The following ZMYM2 variants were observed in gnomAD, a reference collection of about 807,000 sequenced individuals.
ZMYM2 encodes zinc finger MYM-type protein 2.
Under a neutral mutation model 162.8 loss-of-function variants are expected in ZMYM2, and 56 were observed. The ratio of observed to expected loss-of-function variants is 0.34; its 90% confidence interval spans 0.28 to 0.43. The LOEUF is 0.43. Among genes scored for constraint, ZMYM2 ranks in the 20% least tolerant of loss-of-function variants. The pLI, the probability that ZMYM2 is intolerant of heterozygous loss-of-function variation, is 1.00. For missense variants in ZMYM2, 1,275 were observed against 1,621.8 expected (o/e 0.79, Z 3.67); for synonymous variants, 510 against 541.6 (o/e 0.94, Z 0.81).
the ZMYM2 span, among the ~76,000 whole-genome samples, chr13:19,876,832 C>T: frequency 6.6e-6 from 1 of 152,166 alleles, no homozygotes; most frequent in African/African-American, 2.4e-5. Flanking sequence ...CAGCATTCTA[C>T]TTTCTGTATG....
intron 2 of ZMYM2, among the ~76,000 whole-genome samples, chr13:19,968,241 G>A (rs898526903): frequency 1.3e-5 from 2 of 151,900 alleles, no homozygotes; most frequent in African/African-American, 2.4e-5. Flanking sequence ...ACTTCCCCTC[G>A]CTAGACTTTC....
the ZMYM2 span, among the ~76,000 whole-genome samples, chr13:19,913,502 A>T: frequency 1.3e-5 from 2 of 152,150 alleles, no homozygotes; most frequent in East Asian, 3.8e-4. Context: ...AGGTGGGCGG[A>T]TCACTTGAGG....
rs1958381920 is a variant in ZMYM2 at position 20,088,246 on chromosome 13, G to A, written c.*2232G>A. On this transcript the variant is annotated 3_prime_UTR_variant, in exon 25 of 25. Coordinates refer to ENST00000610343, the MANE Select transcript of ZMYM2 (RefSeq NM_197968.4). ...AAGAAAAACTTATTTTATGAGAATT[G>A]TTTGTTCTGTGAAACTCACTTCACC... 9.6e-6 allele frequency: 2 copies of A among 207,962 alleles called. No homozygotes were observed. Among genetic ancestry groups the A allele is most frequent in the African/African-American group, 4.6e-5 (2 of 43,948 alleles). The allele number at this position is 207,962 out of a possible 1,614,324, so 12.9% of individuals were successfully genotyped here.
At chr13:19,943,308 T>C in the ZMYM2 span, among the ~76,000 whole-genome samples, 1 of 152,146 alleles carries the variant, frequency 6.6e-6, no homozygotes, top group African/African-American at 2.4e-5. Context: ...AATTTGATTA[T>C]CTCTATAAAG....
chr13:19,874,633 G>C, the ZMYM2 span, among the ~76,000 whole-genome samples: 1 of 152,070 alleles, frequency 6.6e-6, no homozygotes, highest in Non-Finnish European at 1.5e-5. Context: ...ATTGCTTTTA[G>C]AGCACATGCT....
intron 2 of ZMYM2, among the ~76,000 whole-genome samples, chr13:19,990,843 C>G (rs4769931): frequency 6.6e-6 from 1 of 152,104 alleles, no homozygotes; most frequent in Non-Finnish European, 1.5e-5. Context: ...TTCAACTTCC[C>G]ATTCATCCTA....
chr13:20,075,954 C>T (rs1387728023), intron 21 of ZMYM2, among the ~76,000 whole-genome samples: 1 of 152,010 alleles, frequency 6.6e-6, no homozygotes, highest in Non-Finnish European at 1.5e-5. Flanking sequence ...CCTCAGCCTC[C>T]CAAAGTTCTA....
At chr13:19,965,100 GAA>G (rs1955622835) in intron 2 of ZMYM2, 1 of 332,726 alleles carries the variant, frequency 3.0e-6, no homozygotes, top group Non-Finnish European at 4.9e-6. Context: ...AAAAAAAAAA[GAA>G]AAATACTTAC....
chr13:19,954,559 C>G (rs1954476391), upstream of ZMYM2, among the ~76,000 whole-genome samples: 1 of 152,148 alleles, frequency 6.6e-6, no homozygotes, highest in Non-Finnish European at 1.5e-5. Context: ...TTCACCCTTT[C>G]TCCACAACAA....
intron 2 of ZMYM2, among the ~76,000 whole-genome samples, chr13:19,962,976 A>G (rs1294997298): frequency 6.6e-6 from 1 of 151,922 alleles, no homozygotes; most frequent in African/African-American, 2.4e-5. Context: ...ACGTGCCACT[A>G]CACCTGGCTA....
the ZMYM2 span, among the ~76,000 whole-genome samples, chr13:19,881,331 G>C: frequency 2.0e-4 from 31 of 152,094 alleles, no homozygotes; most frequent in Middle Eastern, 3.4e-3. Context: ...TTCAACAAAT[G>C]GGGGAGGGGG....
intron 21 of ZMYM2, 114 bp downstream of exon 21, chr13:20,067,504 A>C (rs1457441199): frequency 1.8e-6 from 2 of 1,103,602 alleles, no homozygotes; most frequent in East Asian, 5.2e-5. Context: ...CACATCTACA[A>C]AGTTGTATGT....
At chr13:19,963,262 C>T (rs1004581010) in intron 2 of ZMYM2, among the ~76,000 whole-genome samples, 8 of 152,108 alleles carry the variant, frequency 5.3e-5, no homozygotes, top group African/African-American at 1.9e-4. Flanking sequence ...GCTTTGACTC[C>T]CTGCGTTTTG....
intron 6 of ZMYM2, among the ~76,000 whole-genome samples, chr13:20,010,978 G>T (rs946843153): frequency 1.3e-5 from 2 of 151,972 alleles, no homozygotes; most frequent in African/African-American, 2.4e-5. Context: ...TTGTATATAC[G>T]TAGGGGATAC....
chr13:19,991,175 A>G (rs1949592302), intron 2 of ZMYM2, among the ~76,000 whole-genome samples: 1 of 151,770 alleles, frequency 6.6e-6, no homozygotes, highest in Non-Finnish European at 1.5e-5. Flanking sequence ...ATATAGTGGC[A>G]CAATCGTAGC....
chr13:19,892,117 T>A, the ZMYM2 span, among the ~76,000 whole-genome samples: 1 of 151,572 alleles, frequency 6.6e-6, no homozygotes, highest in African/African-American at 2.4e-5. Flanking sequence ...ATTTTTAAAT[T>A]TTTTTTGTAG....
At chr13:19,899,100 G>A in the ZMYM2 span, among the ~76,000 whole-genome samples, 1 of 151,706 alleles carries the variant, frequency 6.6e-6, no homozygotes, top group Admixed American at 6.6e-5. Context: ...TTACAGGCGC[G>A]TGCCACCACA....
Position 19,974,925 on chromosome 13 carries a change from G to A in ZMYM2, c.-11+14899G>A, listed in dbSNP as rs533108000. On this transcript the variant is annotated intron_variant, in intron 2 of 24. Transcript: ENST00000610343. ...CATGGGATATTGTTAAGACTTGGTG[G>A]GCCTTTGTTAATATAAGAGAAAATT... Among the ~76,000 whole-genome samples the A allele has an allele frequency of 2.6e-4, 39 of 152,112 alleles. No homozygotes were observed. The South Asian group carries it at 7.7e-3, about 30-fold the overall frequency.
intron 2 of ZMYM2, among the ~76,000 whole-genome samples, chr13:19,981,302 C>CA (rs370355968): frequency 1.2e-4 from 15 of 123,892 alleles, no homozygotes; most frequent in African/African-American, 5.5e-4. Flanking sequence ...AACAAACAAA[C>CA]AAAAAAAAAA....
Sources: allele counts gnomAD v4.1 joint callset (sites outside exome capture counted in the v4.1 genomes callset), GRCh38; gene constraint gnomAD v4.1.1; transcripts MANE v1.5; gene names NCBI Gene and HGNC (gene_info 2026-07-23, HGNC 2026-07-21).